Variants in SAMHD1 observed in about 807,000 individuals in gnomAD.
The protein encoded by SAMHD1 is SAM and HD domain containing deoxynucleoside triphosphate triphosphohydrolase 1, also known as deoxynucleoside triphosphate triphosphohydrolase SAMHD1.
Under a neutral mutation model 79.6 loss-of-function variants are expected in SAMHD1, and 54 were observed. That is an observed-to-expected ratio of 0.68 (90% CI 0.55 to 0.85). SAMHD1 has a LOEUF of 0.85. Ranked by LOEUF, SAMHD1 falls within the 40% of genes least tolerant of loss-of-function variation. SAMHD1 has a pLI of 0.00. For synonymous variants in SAMHD1, 260 were observed against 264.1 expected, an observed-to-expected ratio of 0.98 and a Z score of 0.15; for missense variants, 663 against 782.7, an observed-to-expected ratio of 0.85 and a Z score of 1.82.
chr20:36,928,904 A>G (rs546308355), intron 5 of SAMHD1, among the ~76,000 whole-genome samples: 4 of 151,556 alleles, frequency 2.6e-5, no homozygotes, highest in Non-Finnish European at 5.9e-5. Context: ...TAAAACTATA[A>G]TAATTAGCTG....
chr20:36,895,168 G>C (rs1285826201), intron 15 of SAMHD1, among the ~76,000 whole-genome samples: 1 of 151,936 alleles, frequency 6.6e-6, no homozygotes, highest in Non-Finnish European at 1.5e-5. Context: ...TGGCTGACAG[G>C]ACTTTGATAA....
intron 15 of SAMHD1, among the ~76,000 whole-genome samples, chr20:36,894,666 C>T (rs9753678): frequency 6.6e-6 from 1 of 151,272 alleles, no homozygotes; most frequent in Non-Finnish European, 1.5e-5. Flanking sequence ...ACTCAGGAGG[C>T]GGAGGCAGGA....
At chr20:36,943,221 G>A (rs1247705821) in intron 2 of SAMHD1, among the ~76,000 whole-genome samples, 1 of 152,170 alleles carries the variant, frequency 6.6e-6, no homozygotes, top group Non-Finnish European at 1.5e-5. Context: ...GGATGGAGTG[G>A]TGGGTAGGGC....
Position 36,924,355 on chromosome 20 carries a change from AAG to A in SAMHD1, c.696+2825_696+2826del, listed in dbSNP as rs531671826. ...AAGGAAAGGAAGGAAGGAAGGGAAA[AAG>A]AGAAAGAATGAGAAAGAAAGAAAGT... is the stretch of plus-strand genomic sequence containing the variant. On this transcript the variant is annotated intron_variant, in intron 6 of 15. Coordinates refer to ENST00000646673, the MANE Select transcript of SAMHD1 (RefSeq NM_015474.4). Among the ~76,000 whole-genome samples, 9 of 151,790 alleles carry A rather than the reference AAG, an allele frequency of 5.9e-5. No homozygotes were observed. In the South Asian group the frequency reaches 1.7e-3, roughly 28 times the overall value.
At chr20:36,918,384 CA>C (rs1161143334) in intron 7 of SAMHD1, among the ~76,000 whole-genome samples, 32 of 149,150 alleles carry the variant, frequency 2.1e-4, no homozygotes, top group African/African-American at 7.6e-4. Flanking sequence ...TTTGGGAGGC[CA>C]AAGTGGGAGA....
At chr20:36,920,217 T>C (rs911870842) in intron 6 of SAMHD1, among the ~76,000 whole-genome samples, 1 of 152,118 alleles carries the variant, frequency 6.6e-6, no homozygotes, top group Admixed American at 6.5e-5. Context: ...TGGGCTCAAG[T>C]GATCCTCCCA....
chr20:36,933,706 G>T (rs902651012), intron 4 of SAMHD1, among the ~76,000 whole-genome samples: 2 of 151,984 alleles, frequency 1.3e-5, no homozygotes, highest in African/African-American at 4.8e-5. Flanking sequence ...GCTCAGGCTG[G>T]TCTCGAACTC....
chr20:36,935,749 TGAGTA>T (rs1568779667), intron 3 of SAMHD1, among the ~76,000 whole-genome samples: 2 of 152,086 alleles, frequency 1.3e-5, no homozygotes. Context: ...TTTTGTATTT[TGAGTA>T]GAGATGGGGT....
intron 11 of SAMHD1, among the ~76,000 whole-genome samples, chr20:36,906,035 G>A (rs1730627683): frequency 6.6e-6 from 1 of 152,294 alleles, no homozygotes; most frequent in East Asian, 1.9e-4. Flanking sequence ...CAGAGAGTGG[G>A]GAAGGATAGA....
At chr20:36,942,480 GGGGGTTGTTT>G in intron 2 of SAMHD1, among the ~76,000 whole-genome samples, 1 of 152,102 alleles carries the variant, frequency 6.6e-6, no homozygotes, top group Non-Finnish European at 1.5e-5. Flanking sequence ...CCCAAAACCA[GGGGGTTGTTT>G]TGTTTAGCAA....
In SAMHD1 at chr20:36,935,018, T is replaced by C; in HGVS notation, c.509+11A>G. On this transcript the variant is annotated intron_variant, in intron 4 of 15. Coordinates refer to ENST00000646673, the MANE Select transcript of SAMHD1 (RefSeq NM_015474.4). ...AAAAACTGCAAGTTCCCCACCCCATTCCCTTCTTACCCTAGACTATGCTCA... is the reference window on the plus strand; with the variant it reads ...AAAAACTGCAAGTTCCCCACCCCATCCCCTTCTTACCCTAGACTATGCTCA... The C allele has an allele frequency of 6.2e-7, 1 of 1,613,568 alleles. No homozygotes were observed. The highest frequency in any genetic ancestry group is 1.1e-5 in the South Asian group (1 of 91,064).
chr20:36,928,876 G>T (rs1013799938), intron 5 of SAMHD1, among the ~76,000 whole-genome samples: 9 of 151,780 alleles, frequency 5.9e-5, no homozygotes, highest in African/African-American at 2.2e-4. Flanking sequence ...GACCAATATG[G>T]TGAAACCTCA....
chr20:36,913,462 G>T (rs569163655), intron 9 of SAMHD1, among the ~76,000 whole-genome samples: 40 of 151,560 alleles, frequency 2.6e-4, no homozygotes, highest in African/African-American at 9.7e-4. Context: ...AATTAGCCGG[G>T]CATGATGGCG....
chr20:36,939,551 T>C (rs954629699), intron 3 of SAMHD1, among the ~76,000 whole-genome samples: 4 of 151,862 alleles, frequency 2.6e-5, no homozygotes, highest in Non-Finnish European at 5.9e-5. Flanking sequence ...AGCCAGATTG[T>C]GCCACTGCAC....
rs576980469 is a variant in SAMHD1 at position 36,948,223 on chromosome 20, T to TA, written c.209-1420dup. On this transcript the variant is annotated intron_variant, in intron 1 of 15. Transcript: ENST00000646673. ...GTACCTTGTGCTTGGCTTATCAAAT[T>TA]AAAAAAAAAATGGACTTAGATAAAG... 6.8e-4 allele frequency among the ~76,000 whole-genome samples: 101 copies of TA among 148,702 alleles called. No individual in the cohort carries two copies. The South Asian group carries it at 8.3e-3, about 12-fold the overall frequency.
intron 1 of SAMHD1, among the ~76,000 whole-genome samples, chr20:36,947,551 G>GGTGT (rs71186095): frequency 0.073 from 5,494 of 75,624 alleles, 496 homozygotes; most frequent in Non-Finnish European, 0.1. Context: ...TTGGAAGAGG[G>GGTGT]GTGTGTGTGT....
At position 36,947,552 on chromosome 20, in the gene SAMHD1, GT is replaced by G. The variant is rs1252933738; in HGVS notation, c.209-749del. Among the ~76,000 whole-genome samples the G allele has an allele frequency of 4.3e-3, 49 of 11,472 alleles. 2 individuals carry two copies. The highest frequency in any genetic ancestry group is 0.026 in the East Asian group (5 of 196). 7.5% of individuals were successfully genotyped at this position (11,472 alleles called of 152,430 possible). A position where few individuals can be genotyped will look rare whatever the true frequency, so the allele number is the denominator to read the frequency against. On this transcript the variant is annotated intron_variant, in intron 1 of 15. Coordinates refer to ENST00000646673, the MANE Select transcript of SAMHD1 (RefSeq NM_015474.4). ...CTCAATACTCTGATTTGGAAGAGGG[GT>G]GTGTGTGTGTGTGTGTGTGTGTGTG...
At position 36,890,463 on chromosome 20, in the gene SAMHD1, C is replaced by CCTTT. The variant is rs531153583; in HGVS notation, c.*2465_*2468dup. The CCTTT allele has an allele frequency of 9.7e-5, 10 of 103,220 alleles. No individual in the cohort carries two copies. Among genetic ancestry groups the CCTTT allele is most frequent in the Non-Finnish European group, 2.2e-5 (1 of 45,466 alleles). The allele number at this position is 103,220 out of a possible 1,614,324, so 6.4% of individuals were successfully genotyped here. A position where few individuals can be genotyped will look rare whatever the true frequency, so the allele number is the denominator to read the frequency against. On this transcript the variant is annotated 3_prime_UTR_variant, in exon 16 of 16. Transcript: ENST00000646673. ...TCCTTCCTTCCCTCCTTCCTTCCTTCCTTTCTTTCTTTTTGTTTGAGACAG... is the reference window on the plus strand; with the variant it reads ...TCCTTCCTTCCCTCCTTCCTTCCTTCCTTTCTTTCTTTCTTTTTGTTTGAGACAG...
At position 36,930,882 on chromosome 20, in the gene SAMHD1, A is replaced by G. The variant is rs1033373260; in HGVS notation, c.510-7T>C. On this transcript the variant is annotated splice_polypyrimidine_tract_variant and splice_region_variant and intron_variant, in intron 4 of 15. Coordinates refer to ENST00000646673, the MANE Select transcript of SAMHD1 (RefSeq NM_015474.4). ...TCCTGCTAGATACCCCACCCTGCAG[A>G]GCAAAAACACAAAAAGTCACTTTTC... 4 of 1,593,654 alleles carry G rather than the reference A, an allele frequency of 2.5e-6. No individual in the cohort carries two copies. Among genetic ancestry groups the G allele is most frequent in the Admixed American group, 1.7e-5 (1 of 59,962 alleles).
Sources: allele counts gnomAD v4.1 joint callset (sites outside exome capture counted in the v4.1 genomes callset), GRCh38; gene constraint gnomAD v4.1.1; transcripts MANE v1.5; gene names NCBI Gene and HGNC (gene_info 2026-07-23, HGNC 2026-07-21).